The following CDK15 variants were observed in gnomAD, a reference collection of about 807,000 sequenced individuals.
CDK15 encodes cyclin dependent kinase 15.
Under a neutral mutation model 60.3 loss-of-function variants are expected in CDK15, and 62 were observed. The ratio of observed to expected loss-of-function variants is 1.03; its 90% CI spans 0.84 to 1.27. CDK15 has a LOEUF of 1.27. CDK15 is among the 50% of genes most tolerant of loss of function. The pLI is 0.00. For synonymous variants in CDK15, 194 were observed against 195.7 expected (o/e 0.99, Z 0.07); for missense variants, 541 against 527.8 (o/e 1.03, Z -0.25).
At chr2:201,807,684 G>T (rs1368264745) in intron 2 of CDK15, 41 bp downstream of exon 2, 4 of 1,611,536 alleles carry the variant, frequency 2.5e-6, no homozygotes, top group Non-Finnish European at 3.4e-6. Context: ...AATTTAATGT[G>T]AGCTTGTCTA....
chr2:201,822,954 G>T lies in CDK15; in HGVS notation c.543+51G>T, dbSNP rs1330501138. 4.0e-6 allele frequency: 4 copies of T among 1,005,236 alleles called. No homozygotes were observed. The African/African-American group carries it at 6.4e-5, about 16-fold the overall frequency. The allele number at this position is 1,005,236 out of a possible 1,614,324, so 62.3% of individuals were successfully genotyped here. On this transcript the variant is annotated intron_variant, in intron 5 of 13. Transcript: ENST00000652192. ...ACTTGAGAAAAATAACCTGGTACTTGTATAATGAATCTGTTAATATTTTAT... is the reference window on the plus strand; with the variant it reads ...ACTTGAGAAAAATAACCTGGTACTTTTATAATGAATCTGTTAATATTTTAT...
chr2:201,838,644 A>G (rs547230418), intron 8 of CDK15, among the ~76,000 whole-genome samples: 5 of 152,018 alleles, frequency 3.3e-5, no homozygotes, highest in Admixed American at 6.6e-5. Context: ...TGGCTTCAAG[A>G]GATCCTCCTG....
rs115333179 is a variant in CDK15, at chr2:201,866,859, G to A, written c.1010-5419G>A. ...GTGGGAGGGCAGGCCACAAACAGGC[G>A]ATGGGCTTTGCTTCTGCTTAATAGC... is the stretch of plus-strand genomic sequence containing the variant. On this transcript the variant is annotated intron_variant, in intron 10 of 13. Transcript: ENST00000652192. 2.4e-3 allele frequency among the ~76,000 whole-genome samples: 372 copies of A among 152,240 alleles called. 3 individuals carry two copies. The highest frequency in any genetic ancestry group is 8.6e-3 in the African/African-American group (358 of 41,534).
intron 8 of CDK15, among the ~76,000 whole-genome samples, chr2:201,842,152 C>G (rs1004743990): frequency 3.9e-5 from 6 of 152,132 alleles, no homozygotes; most frequent in South Asian, 2.1e-4. Flanking sequence ...CCCATTACCC[C>G]CTCTCCTCAG....
intron 12 of CDK15, among the ~76,000 whole-genome samples, chr2:201,886,482 C>A (rs1424589382): frequency 6.6e-6 from 1 of 152,082 alleles, no homozygotes; most frequent in Admixed American, 6.5e-5. Context: ...TGTGCCACCA[C>A]GCCTGGCTAA....
intron 9 of CDK15, among the ~76,000 whole-genome samples, chr2:201,851,939 G>T (rs543162079): frequency 1.3e-5 from 2 of 152,048 alleles, no homozygotes; most frequent in Non-Finnish European, 2.9e-5. Flanking sequence ...GATTACAGGC[G>T]TGAGCCACCG....
chr2:201,833,759 T>A, intron 6 of CDK15, 89 bp from the exon 7 acceptor site: 1 of 1,228,012 alleles, frequency 8.1e-7, no homozygotes, highest in Non-Finnish European at 1.1e-6. Flanking sequence ...ACTTTTACTA[T>A]ATTCTTTGAG....
Position 201,894,315 on chromosome 2 carries a change from G to A in CDK15, c.*1048G>A, listed in dbSNP as rs973200952. 1 of 152,144 alleles carries A rather than the reference G, an allele frequency of 6.6e-6. No homozygotes were observed. The highest frequency in any genetic ancestry group is 2.4e-5 in the African/African-American group (1 of 41,428). 9.4% of individuals were successfully genotyped at this position (152,144 alleles called of 1,614,324 possible). A position where few individuals can be genotyped will look rare whatever the true frequency, so the allele number is the denominator to read the frequency against. On this transcript the variant is annotated 3_prime_UTR_variant, in exon 14 of 14. Coordinates refer to ENST00000652192, the MANE Select transcript of CDK15 (RefSeq NM_001366386.2). ...CTAATTAAGAGATAATTAAAAAATAGTAACTATCCCCCAATGTCTGAGATG... is the reference window on the plus strand; with the variant it reads ...CTAATTAAGAGATAATTAAAAAATAATAACTATCCCCCAATGTCTGAGATG...
rs114195966 is a variant in CDK15 at position 201,855,215 on chromosome 2, C to A, written c.1009+278C>A. On this transcript the variant is annotated intron_variant, in intron 10 of 13. Coordinates refer to ENST00000652192, the MANE Select transcript of CDK15 (RefSeq NM_001366386.2). Reference sequence around the variant, plus strand: ...TGGATTCCACATCCATTGTCAAATACCCAATGGCTCAAAAGAACAACTCAA... The same window carrying A: ...TGGATTCCACATCCATTGTCAAATAACCAATGGCTCAAAAGAACAACTCAA... Among the ~76,000 whole-genome samples the A allele has an allele frequency of 1.9e-3, 296 of 152,278 alleles. 2 individuals carry two copies. Among genetic ancestry groups the A allele is most frequent in the Non-Finnish European group, 3.0e-3 (207 of 68,028 alleles).
At chr2:201,863,103 T>C (rs1050057812) in intron 10 of CDK15, among the ~76,000 whole-genome samples, 2 of 152,120 alleles carry the variant, frequency 1.3e-5, no homozygotes, top group Non-Finnish European at 2.9e-5. Context: ...TCCTGGGGAG[T>C]TACTATTAAC....
In CDK15 at chr2:201,865,889, C is replaced by CAAAAAAAAAAA. The variant is rs1262940691; in HGVS notation, c.1010-6387_1010-6386insAAAAAAAAAAA. Among the ~76,000 whole-genome samples the CAAAAAAAAAAA allele has an allele frequency of 3.6e-4, 9 of 24,828 alleles. 1 individual carries two copies. Among genetic ancestry groups the CAAAAAAAAAAA allele is most frequent in the African/African-American group, 1.2e-3 (9 of 7,600 alleles). 16.3% of individuals were successfully genotyped at this position (24,828 alleles called of 152,430 possible). ...TGGGCGACAGAGCAAGATTCCATCTCAACAAAAAAAAAAAAAAAAAAAAAA... is the reference window on the plus strand; with the variant it reads ...TGGGCGACAGAGCAAGATTCCATCTCAAAAAAAAAAAAACAAAAAAAAAAAAAAAAAAAAAA... On this transcript the variant is annotated intron_variant, in intron 10 of 13. Coordinates refer to ENST00000652192, the MANE Select transcript of CDK15 (RefSeq NM_001366386.2).
intron 8 of CDK15, among the ~76,000 whole-genome samples, chr2:201,844,761 G>A (rs1697568436): frequency 6.6e-6 from 1 of 152,076 alleles, no homozygotes; most frequent in Non-Finnish European, 1.5e-5. Context: ...TTCAAGACCA[G>A]CCTGGGCAAC....
chr2:201,832,256 G>A (rs1022887515), intron 6 of CDK15, among the ~76,000 whole-genome samples: 3 of 152,158 alleles, frequency 2.0e-5, no homozygotes, highest in Non-Finnish European at 4.4e-5. Flanking sequence ...ACATTGGCCA[G>A]GCTGGTCTCG....
chr2:201,861,088 A>C (rs1456106814), intron 10 of CDK15: 1 of 1,066,572 alleles, frequency 9.4e-7, no homozygotes, highest in African/African-American at 1.7e-5. Context: ...TTGATAAAAG[A>C]GGCTTTAACT....
intron 12 of CDK15, among the ~76,000 whole-genome samples, chr2:201,884,339 T>A (rs1398952340): frequency 6.6e-6 from 1 of 152,212 alleles, no homozygotes; most frequent in Non-Finnish European, 1.5e-5. Context: ...CTTGCAATTG[T>A]TTCACAAGTA....
rs903091903 is a variant in CDK15 at position 201,847,852 on chromosome 2, C to G, written c.945+378C>G. On this transcript the variant is annotated intron_variant, in intron 9 of 13. Transcript: ENST00000652192. ...GGATCTTTGTCAACTGAAAATAAGA[C>G]ATAGAATTTTTAGCTGGGTGCAGTG... Among the ~76,000 whole-genome samples, 11 of 152,284 alleles carry G rather than the reference C, an allele frequency of 7.2e-5. No homozygotes were observed. The East Asian group carries it at 1.4e-3, about 19-fold the overall frequency.
intron 6 of CDK15, among the ~76,000 whole-genome samples, chr2:201,831,225 A>AG (rs1395877736): frequency 6.6e-6 from 1 of 152,178 alleles, no homozygotes; most frequent in East Asian, 1.9e-4. Flanking sequence ...CAGGGATTCC[A>AG]GGGGGGATGG....
intron 6 of CDK15, among the ~76,000 whole-genome samples, chr2:201,826,424 A>G (rs6743664): frequency 1 from 148,343 of 148,370 alleles, 74,158 homozygotes; most frequent in Middle Eastern, 1. Flanking sequence ...GCGCCACTGC[A>G]CTCCAGCCTG....
Position 201,808,006 on chromosome 2 carries a change from A to G in CDK15, c.368+54A>G, listed in dbSNP as rs148612179. On this transcript the variant is annotated intron_variant, in intron 3 of 13. Coordinates refer to ENST00000652192, the MANE Select transcript of CDK15 (RefSeq NM_001366386.2). ...TAGAGATGAGAGTCCCGCCCCCCCA[A>G]TTTCATATTATAAAGCCAGGTGAGA... 348 of 1,454,882 alleles carry G rather than the reference A, an allele frequency of 2.4e-4. 1 individual carries two copies. The African/African-American group carries it at 3.9e-3, about 16-fold the overall frequency. 90.1% of individuals were successfully genotyped at this position (1,454,882 alleles called of 1,614,324 possible).
Sources: allele counts gnomAD v4.1 joint callset (sites outside exome capture counted in the v4.1 genomes callset), GRCh38; gene constraint gnomAD v4.1.1; transcripts MANE v1.5; gene names NCBI Gene and HGNC (gene_info 2026-07-23, HGNC 2026-07-21).